WDR72: variants seen among roughly 807,000 people sequenced by gnomAD.
WDR72 encodes the protein WD repeat domain 72.
In WDR72, 120 loss-of-function variants were observed where a neutral mutation model predicts 124.2. The observed-to-expected ratio is 0.97, with a 90% CI of 0.83 to 1.12. WDR72 has a LOEUF of 1.12. Among genes scored for constraint, WDR72 ranks in the 50% most tolerant of loss-of-function variants. WDR72 has a pLI of 0.00. For missense variants in WDR72, 1,387 were observed against 1,278.8 expected (o/e 1.08, Z -1.29); for synonymous variants, 452 against 441.7 (o/e 1.02, Z -0.29).
intron 17 of WDR72, among the ~76,000 whole-genome samples, chr15:53,598,976 T>C (rs937043240): frequency 6.6e-6 from 1 of 151,986 alleles, no homozygotes; most frequent in African/African-American, 2.4e-5. Flanking sequence ...ATGCAAAAAT[T>C]AGCCTGGCTT....
chr15:53,581,647 AT>A (rs1369494125), intron 18 of WDR72, among the ~76,000 whole-genome samples: 3 of 152,058 alleles, frequency 2.0e-5, no homozygotes, highest in African/African-American at 7.2e-5. Flanking sequence ...TGTGTAGAAG[AT>A]CCCATATGAA....
chr15:53,653,729 T>C (rs1465192697), intron 14 of WDR72, among the ~76,000 whole-genome samples: 3 of 152,174 alleles, frequency 2.0e-5, no homozygotes, highest in African/African-American at 4.8e-5. Context: ...CATAAACAGT[T>C]ATGTGAGTTC....
chr15:53,548,133 C>T (rs1322442779), intron 18 of WDR72, among the ~76,000 whole-genome samples: 1 of 152,214 alleles, frequency 6.6e-6, no homozygotes, highest in Non-Finnish European at 1.5e-5. Context: ...TGGTCACCAA[C>T]TCTGCTTACT....
intron 14 of WDR72, among the ~76,000 whole-genome samples, chr15:53,637,630 G>C (rs139594684): frequency 1.6e-3 from 238 of 152,090 alleles, no homozygotes; most frequent in African/African-American, 5.5e-3. Context: ...CTGATGCCCT[G>C]CATGTTTAAC....
intron 18 of WDR72, among the ~76,000 whole-genome samples, chr15:53,581,334 A>G (rs747942256): frequency 3.3e-5 from 5 of 152,132 alleles, no homozygotes. Context: ...TATGACTGTC[A>G]TCCATCTACC....
chr15:53,734,653 T>C (rs1010473886), intron 1 of WDR72, among the ~76,000 whole-genome samples: 5 of 152,076 alleles, frequency 3.3e-5, no homozygotes, highest in Non-Finnish European at 4.4e-5. Context: ...GGAGTTTGCA[T>C]ATTAATCCCT....
intron 17 of WDR72, among the ~76,000 whole-genome samples, chr15:53,605,625 C>CG (rs912650127): frequency 1.3e-5 from 2 of 152,116 alleles, no homozygotes; most frequent in Non-Finnish European, 2.9e-5. Context: ...GAGGCCAAGG[C>CG]GGGGGGATCA....
intron 19 of WDR72, among the ~76,000 whole-genome samples, chr15:53,518,805 A>C (rs1404854092): frequency 1.3e-5 from 2 of 152,056 alleles, no homozygotes; most frequent in African/African-American, 4.8e-5. Context: ...ACAGTATAGT[A>C]TCCCCTGGAA....
chr15:53,699,900 C>T lies in WDR72; in HGVS notation c.1615G>A (p.Val539Met), dbSNP rs377711188. 30 of 1,614,134 alleles carry T rather than the reference C, an allele frequency of 1.9e-5. No individual in the cohort carries two copies. The highest frequency in any genetic ancestry group is 5.0e-5 in the Admixed American group (3 of 60,018). Residue 539 changes from valine to methionine, a missense_variant, in exon 13 of 20, where the codon GTG becomes ATG. By Grantham distance (21) the Val-to-Met change is conservative. Coordinates refer to ENST00000360509, the MANE Select transcript of WDR72 (RefSeq NM_182758.4). Reference protein sequence around the residue: ...IICCVCGDHSVALLHLEGKSC... With the variant: ...IICCVCGDHSMALLHLEGKSC... ...TTTCCCTCAAGGTGAAGGAGAGCCA[C>T]GGAATGGTCACCGCACACACAGCAA...
chr15:53,572,992 G>A (rs758129713), intron 18 of WDR72, among the ~76,000 whole-genome samples: 19 of 152,142 alleles, frequency 1.2e-4, no homozygotes, highest in African/African-American at 4.3e-4. Flanking sequence ...GAATACCAGC[G>A]TCCTTATAGT....
intron 14 of WDR72, among the ~76,000 whole-genome samples, chr15:53,650,332 T>C (rs927342383): frequency 2.6e-5 from 4 of 152,200 alleles, no homozygotes; most frequent in Non-Finnish European, 5.9e-5. Context: ...ATTAGTAAGC[T>C]ATAGAGATCT....
rs1188143693 is a variant in WDR72, at chr15:53,610,113, T to TA, written c.2873-522dup. ...CAGCTATACCACTTTGATCAATAGG[T>TA]AGAGCACTACTGTTTTAATTTAACT... On this transcript the variant is annotated intron_variant, in intron 16 of 19. Transcript: ENST00000360509. 5.3e-5 allele frequency among the ~76,000 whole-genome samples: 8 copies of TA among 152,170 alleles called. No homozygotes were observed. In the South Asian group the frequency reaches 1.7e-3, roughly 32 times the overall value.
intron 13 of WDR72, among the ~76,000 whole-genome samples, chr15:53,696,139 C>T (rs547218543): frequency 2.6e-5 from 4 of 152,246 alleles, no homozygotes; most frequent in African/African-American, 9.6e-5. Context: ...TGATAAATAC[C>T]TTTATGTCAA....
chr15:53,619,080 T>C (rs921269648), intron 14 of WDR72, among the ~76,000 whole-genome samples: 3 of 152,016 alleles, frequency 2.0e-5, no homozygotes, highest in Admixed American at 2.0e-4. Flanking sequence ...TTGGTTCTTC[T>C]AAAAAAACAA....
chr15:53,539,042 TTG>T (rs1892922955), intron 18 of WDR72, among the ~76,000 whole-genome samples: 1 of 151,910 alleles, frequency 6.6e-6, no homozygotes, highest in Admixed American at 6.6e-5. Flanking sequence ...AAAAATAAAA[TTG>T]TCAAAAGATT....
At chr15:53,593,767 GA>G (rs145370455) in intron 18 of WDR72, among the ~76,000 whole-genome samples, 396 of 137,332 alleles carry the variant, frequency 2.9e-3, no homozygotes, top group Middle Eastern at 3.8e-3. Context: ...GTGTCAAAAA[GA>G]AAAAAAAAAG....
rs200348450 is a variant in WDR72 at position 53,699,706 on chromosome 15, A to G, written c.1765+44T>C. 5.6e-6 allele frequency: 9 copies of G among 1,597,018 alleles called. No individual in the cohort carries two copies. In the East Asian group the frequency reaches 6.7e-5, roughly 12 times the overall value. On this transcript the variant is annotated intron_variant, in intron 13 of 19. Coordinates refer to ENST00000360509, the MANE Select transcript of WDR72 (RefSeq NM_182758.4). ...TTTCCATCTGGTCAAATGCTTGTACATCATAAATATATAAAGAATGAAAGG... is the reference window on the plus strand; with the variant it reads ...TTTCCATCTGGTCAAATGCTTGTACGTCATAAATATATAAAGAATGAAAGG...
At chr15:53,659,194 C>A (rs548271614) in intron 14 of WDR72, among the ~76,000 whole-genome samples, 2 of 152,298 alleles carry the variant, frequency 1.3e-5, no homozygotes, top group African/African-American at 4.8e-5. Context: ...CTTTGAAGAA[C>A]TATTAGGCTA....
chr15:53,682,793 A>G (rs151099048), intron 13 of WDR72, among the ~76,000 whole-genome samples: 132 of 152,276 alleles, frequency 8.7e-4, no homozygotes, highest in African/African-American at 3.0e-3. Flanking sequence ...ATTCAGTTCC[A>G]AAGTTGCTTC....
Sources: gnomAD v4.1 joint callset for allele counts (sites outside exome capture counted in the v4.1 genomes callset) on GRCh38, gnomAD v4.1.1 for gene constraint, MANE v1.5 for transcripts, NCBI Gene and HGNC (gene_info 2026-07-23, HGNC 2026-07-21) for gene names.